Variants in NMNAT1 observed in about 807,000 individuals in gnomAD.
NMNAT1 encodes nicotinamide nucleotide adenylyltransferase 1.
A neutral mutation model predicts 16.7 loss-of-function variants in NMNAT1; 11 were observed. That is an observed-to-expected ratio of 0.66 (90% CI 0.41 to 1.09). NMNAT1 has a LOEUF of 1.09. Ranked by LOEUF, NMNAT1 falls within the 50% of genes least tolerant of loss-of-function variation. The pLI is 0.00. For missense variants in NMNAT1, 280 were observed against 332.3 expected (o/e 0.84, Z 1.22); for synonymous variants, 110 against 119.8 (o/e 0.92, Z 0.53).
At chr1:9,989,657 C>A (rs914231479), downstream of NMNAT1, among the ~76,000 whole-genome samples, 1 of 152,150 alleles carries the variant, frequency 6.6e-6, no homozygotes, top group Non-Finnish European at 1.5e-5. Context: ...CTCCTCTTCC[C>A]ACTGAGAGTC....
intron 1 of NMNAT1, among the ~76,000 whole-genome samples, chr1:9,944,688 AAGTT>A (rs1375454151): frequency 6.6e-6 from 1 of 152,144 alleles, no homozygotes; most frequent in Non-Finnish European, 1.5e-5. Flanking sequence ...CTGGAGTCTG[AAGTT>A]AGTTATATTT....
rs1642005569 is a variant in NMNAT1 at position 9,984,105 on chromosome 1, T to A, written c.*1404T>A. 1 of 152,378 alleles carries A rather than the reference T, an allele frequency of 6.6e-6. No homozygotes were observed. Among genetic ancestry groups the A allele is most frequent in the Non-Finnish European group, 1.5e-5 (1 of 68,212 alleles). The allele number at this position is 152,378 out of a possible 1,614,324, so 9.4% of individuals were successfully genotyped here. On this transcript the variant is annotated 3_prime_UTR_variant, in exon 5 of 5. Coordinates refer to ENST00000377205, the MANE Select transcript of NMNAT1 (RefSeq NM_022787.4). ...CTCTGTCTCCCAGGCTGGAGTGCAG[T>A]GGTGCGATCTCCGCTCACTGCAACC...
At chr1:9,969,254 T>C (rs1287009513) in intron 1 of NMNAT1, among the ~76,000 whole-genome samples, 1 of 152,060 alleles carries the variant, frequency 6.6e-6, no homozygotes, top group African/African-American at 2.4e-5. Flanking sequence ...AAATATATCA[T>C]GAATATTGGT....
At chr1:9,977,163 C>T (rs1641834768) in intron 3 of NMNAT1, among the ~76,000 whole-genome samples, 2 of 152,218 alleles carry the variant, frequency 1.3e-5, no homozygotes, top group Non-Finnish European at 2.9e-5. Flanking sequence ...CATCTCGGGC[C>T]TCCCAAAGTG....
At chr1:9,954,241 G>A (rs1641195025) in intron 1 of NMNAT1, among the ~76,000 whole-genome samples, 1 of 150,602 alleles carries the variant, frequency 6.6e-6, no homozygotes. Flanking sequence ...TTGGAGATAG[G>A]GCCTCCCTCT....
chr1:9,952,061 G>A (rs961185997), intron 1 of NMNAT1, among the ~76,000 whole-genome samples: 1 of 152,100 alleles, frequency 6.6e-6, no homozygotes, highest in Non-Finnish European at 1.5e-5. Context: ...CACTTTGGGA[G>A]GCCGAGGTGG....
chr1:9,975,124 T>G (rs1458358344), intron 2 of NMNAT1, among the ~76,000 whole-genome samples: 1 of 152,192 alleles, frequency 6.6e-6, no homozygotes, highest in Non-Finnish European at 1.5e-5. Context: ...AACTGTACGC[T>G]TGGGTATATT....
intron 1 of NMNAT1, among the ~76,000 whole-genome samples, chr1:9,953,461 A>G (rs1641168856): frequency 7.6e-6 from 1 of 131,554 alleles, no homozygotes; most frequent in Non-Finnish European, 1.7e-5. Context: ...TTTTTTTTTG[A>G]GACGGAGTCT....
chr1:9,953,278 CTTTT>C (rs35129856), intron 1 of NMNAT1, among the ~76,000 whole-genome samples: 2 of 122,748 alleles, frequency 1.6e-5, no homozygotes, highest in African/African-American at 3.1e-5. Flanking sequence ...TGTGCGCGGG[CTTTT>C]TTTTTTTTTT....
At chr1:9,969,154 C>T (rs1474800589) in intron 1 of NMNAT1, among the ~76,000 whole-genome samples, 1 of 152,078 alleles carries the variant, frequency 6.6e-6, no homozygotes, top group Non-Finnish European at 1.5e-5. Context: ...ACCTGCGGTA[C>T]TGACAGGTTA....
Position 9,981,159 on chromosome 1 carries a change from C to T in NMNAT1, c.428C>T (p.Pro143Leu), listed in dbSNP as rs758359180. Residue 143 changes from proline to leucine, a missense_variant, in exon 4 of 5, where the codon CCA (proline) becomes CTA (leucine). Pro to Leu is a moderately conservative substitution (Grantham distance 98). Coordinates refer to ENST00000377205, the MANE Select transcript of NMNAT1 (RefSeq NM_022787.4). ...TCTAGTCAAAAGAAATCCCTAGAGC[C>T]AAAAACAAAAGGTTTGTATGTTTTA... ...QDSSQKKSLE[P>L]KTKAVPKVKL... The T allele has an allele frequency of 6.2e-7, 1 of 1,610,066 alleles. No individual in the cohort carries two copies. Among genetic ancestry groups the T allele is most frequent in the Non-Finnish European group, 8.5e-7 (1 of 1,178,886 alleles).
chr1:9,968,770 C>CAAA (rs35088826), intron 1 of NMNAT1, among the ~76,000 whole-genome samples: 12 of 79,172 alleles, frequency 1.5e-4, no homozygotes, highest in South Asian at 1.0e-3. Flanking sequence ...GACTCTGTCT[C>CAAA]AAAAAAAAAA....
Position 9,972,183 on chromosome 1 carries a change from G to A in NMNAT1, c.110G>A (p.Gly37Glu). 1 of 1,582,662 alleles carries A rather than the reference G, an allele frequency of 6.3e-7. No homozygotes were observed. The highest frequency in any genetic ancestry group is 1.7e-5 in the Admixed American group (1 of 59,834). The change falls in exon 2 of 5, where the codon GGA becomes GAA. Residue 37 changes from glycine (G) to glutamate (E), a missense_variant. Gly to Glu is a moderately conservative substitution (Grantham distance 98, BLOSUM62 -2). Transcript: ENST00000377205. ...LFELAKDYMNGTGRYTVVKGI... is the reference protein window; with the variant it reads ...LFELAKDYMNETGRYTVVKGI... Reference sequence around the variant, plus strand: ...GAGCTGGCCAAGGACTACATGAATGGAACAGGTAGGAGCAGTAACCAAAAG... The same window carrying A: ...GAGCTGGCCAAGGACTACATGAATGAAACAGGTAGGAGCAGTAACCAAAAG...
At chr1:9,953,842 C>G (rs1016804422) in intron 1 of NMNAT1, among the ~76,000 whole-genome samples, 1 of 102,598 alleles carries the variant, frequency 9.7e-6, no homozygotes, top group Non-Finnish European at 1.8e-5. Context: ...GTCTTGCTCT[C>G]TTGCCCAGGC....
intron 1 of NMNAT1, among the ~76,000 whole-genome samples, chr1:9,946,163 CTT>C (rs1299424065): frequency 3.3e-5 from 5 of 152,170 alleles, no homozygotes; most frequent in African/African-American, 1.2e-4. Flanking sequence ...TTCTCTGTGA[CTT>C]AGTCATTCAG....
In NMNAT1 at chr1:9,975,755, A is replaced by T; in HGVS notation, c.279A>T (p.Lys93Asn). 1 of 1,613,602 alleles carries T rather than the reference A, an allele frequency of 6.2e-7. No homozygotes were observed. Among genetic ancestry groups the T allele is most frequent in the Non-Finnish European group, 8.5e-7 (1 of 1,179,778 alleles). ...DTWESLQKEW[K>N]ETLKVLRHHQ... Reference sequence around the variant, plus strand: ...GGGAAAGTCTTCAGAAGGAGTGGAAAGAGACTCTGAAGGTGCTAAGGTATT... The same window carrying T: ...GGGAAAGTCTTCAGAAGGAGTGGAATGAGACTCTGAAGGTGCTAAGGTATT... Residue 93 changes from lysine to asparagine, a missense_variant, in exon 3 of 5, where the codon AAA (lysine) becomes AAT (asparagine). By Grantham distance (94) the Lys-to-Asn change is moderately conservative. Coordinates refer to ENST00000377205, the MANE Select transcript of NMNAT1 (RefSeq NM_022787.4).
chr1:9,952,134 T>TA lies in NMNAT1; in HGVS notation c.-57+8628dup, dbSNP rs372071100. Among the ~76,000 whole-genome samples the TA allele has an allele frequency of 8.5e-3, 1,272 of 150,292 alleles. 104 individuals carry two copies. The East Asian group carries it at 0.18, about 21-fold the overall frequency. On this transcript the variant is annotated intron_variant, in intron 1 of 4. Coordinates refer to ENST00000377205, the MANE Select transcript of NMNAT1 (RefSeq NM_022787.4). ...TAACACAGTGAAACCCCATCTCTAC[T>TA]AAAAAAAAATACAAAAAATTAGCCG... is the stretch of plus-strand genomic sequence containing the variant.
intron 3 of NMNAT1, among the ~76,000 whole-genome samples, chr1:9,976,316 T>A (rs1280542852): frequency 6.6e-6 from 1 of 151,626 alleles, no homozygotes; most frequent in Non-Finnish European, 1.5e-5. Flanking sequence ...GATGTTTGCT[T>A]GCTTGCTACT....
intron 1 of NMNAT1, among the ~76,000 whole-genome samples, chr1:9,966,990 G>A (rs982685156): frequency 8.5e-5 from 13 of 152,068 alleles, no homozygotes; most frequent in Non-Finnish European, 1.5e-4. Context: ...TTAAAAGGCC[G>A]TGGCGGGCAG....
Sources: gnomAD v4.1 joint callset for allele counts (sites outside exome capture counted in the v4.1 genomes callset) on GRCh38, gnomAD v4.1.1 for gene constraint, MANE v1.5 for transcripts, NCBI Gene and HGNC (gene_info 2026-07-23, HGNC 2026-07-21) for gene names.